SEL1L2: variants seen among roughly 807,000 people sequenced by gnomAD.
SEL1L2 encodes the protein protein sel-1 homolog 2.
SEL1L2 carries 89 observed loss-of-function variants against 98.8 expected under a neutral mutation model. That is an observed-to-expected ratio of 0.90 (90% CI 0.76 to 1.07). The LOEUF (loss-of-function observed/expected upper bound fraction) is 1.07. Ranked by LOEUF, SEL1L2 falls within the 50% of genes least tolerant of loss-of-function variation. The pLI is 0.00. For synonymous variants in SEL1L2, 262 were observed against 278.5 expected (o/e 0.94, Z 0.59); for missense variants, 788 against 812.0 (o/e 0.97, Z 0.36).
At chr20:13,856,007 T>C (rs1480750209) in intron 18 of SEL1L2, among the ~76,000 whole-genome samples, 1 of 152,132 alleles carries the variant, frequency 6.6e-6, no homozygotes, top group Non-Finnish European at 1.5e-5. Context: ...CAAGCTGAGG[T>C]GAGCAGAAAG....
chr20:13,920,427 A>G (rs1452840724), intron 3 of SEL1L2, among the ~76,000 whole-genome samples: 1 of 152,124 alleles, frequency 6.6e-6, no homozygotes, highest in Non-Finnish European at 1.5e-5. Flanking sequence ...CCAAACGTTT[A>G]TGTAACACTT....
chr20:13,901,047 TTTTC>T (rs2047648284), intron 5 of SEL1L2, among the ~76,000 whole-genome samples: 1 of 151,178 alleles, frequency 6.6e-6, no homozygotes, highest in Non-Finnish European at 1.5e-5. Flanking sequence ...TTTTTTTTCC[TTTTC>T]TTTTTCTTTT....
intron 10 of SEL1L2, among the ~76,000 whole-genome samples, chr20:13,882,895 C>T (rs2046777639): frequency 6.9e-6 from 1 of 144,862 alleles, no homozygotes; most frequent in Non-Finnish European, 1.5e-5. Context: ...CGGCTCACTG[C>T]AAGCTCCGCC....
At chr20:13,912,092 A>T (rs1288612291) in intron 5 of SEL1L2, among the ~76,000 whole-genome samples, 1 of 152,146 alleles carries the variant, frequency 6.6e-6, no homozygotes, top group East Asian at 1.9e-4. Context: ...GCAGTGAACG[A>T]GAAGGATGCG....
chr20:13,977,611 T>C (rs1162347963), intron 1 of SEL1L2, among the ~76,000 whole-genome samples: 1 of 152,034 alleles, frequency 6.6e-6, no homozygotes, highest in East Asian at 1.9e-4. Context: ...TGGAGTGGAA[T>C]TGGGAAGAGT....
intron 5 of SEL1L2, among the ~76,000 whole-genome samples, chr20:13,902,095 C>G (rs892989449): frequency 7.9e-5 from 12 of 152,144 alleles, no homozygotes; most frequent in African/African-American, 2.9e-4. Context: ...GTTGCCATGG[C>G]AATGGTAAAC....
chr20:13,991,462 A>G (rs1203208653), upstream of SEL1L2, among the ~76,000 whole-genome samples: 2 of 152,218 alleles, frequency 1.3e-5, no homozygotes, highest in Admixed American at 1.3e-4. Flanking sequence ...CTAAAATCAA[A>G]GACAAGGCTA....
intron 1 of SEL1L2, among the ~76,000 whole-genome samples, chr20:13,970,963 G>A (rs1379610791): frequency 3.3e-5 from 5 of 150,452 alleles, no homozygotes; most frequent in South Asian, 4.2e-4. Context: ...TAACTGGCAC[G>A]TTTCAATTTT....
chr20:13,864,643 T>C (rs1337577931), intron 17 of SEL1L2, among the ~76,000 whole-genome samples: 3 of 152,328 alleles, frequency 2.0e-5, no homozygotes, highest in East Asian at 3.9e-4. Context: ...TCCTGCCATG[T>C]ATCTGTTTTG....
intron 1 of SEL1L2, among the ~76,000 whole-genome samples, chr20:13,974,699 C>T (rs2148522169): frequency 6.6e-6 from 1 of 151,976 alleles, no homozygotes; most frequent in East Asian, 1.9e-4. Flanking sequence ...GGCTCCCGAC[C>T]TCAGGTGATC....
intron 2 of SEL1L2, among the ~76,000 whole-genome samples, chr20:13,950,999 G>C (rs191173198): frequency 8.8e-4 from 134 of 152,148 alleles, no homozygotes; most frequent in Non-Finnish European, 1.5e-3. Flanking sequence ...ATTAGAGGCC[G>C]GGCGCGGTGG....
At chr20:13,877,074 C>T (rs1201740356) in intron 11 of SEL1L2, among the ~76,000 whole-genome samples, 1 of 152,160 alleles carries the variant, frequency 6.6e-6, no homozygotes. Flanking sequence ...ATCCACCTGC[C>T]TCAGCCTCCC....
chr20:13,918,668 C>T (rs1355732426), intron 4 of SEL1L2, among the ~76,000 whole-genome samples: 1 of 152,188 alleles, frequency 6.6e-6, no homozygotes, highest in Non-Finnish European at 1.5e-5. Flanking sequence ...AGAAGTAAAG[C>T]ATTTTTAATA....
intron 5 of SEL1L2, among the ~76,000 whole-genome samples, chr20:13,898,985 G>A (rs1234466031): frequency 6.6e-6 from 1 of 152,088 alleles, no homozygotes; most frequent in African/African-American, 2.4e-5. Flanking sequence ...CAGGTGATAT[G>A]CCCACCTCAG....
intron 1 of SEL1L2, among the ~76,000 whole-genome samples, chr20:13,986,015 C>T (rs549908152): frequency 2.6e-5 from 4 of 152,124 alleles, no homozygotes; most frequent in Admixed American, 6.5e-5. Flanking sequence ...GGATATACCA[C>T]GTTTTGTTGA....
intron 4 of SEL1L2, chr20:13,915,296 C>A: frequency 8.1e-7 from 1 of 1,240,740 alleles, no homozygotes; most frequent in South Asian, 1.3e-5. Context: ...AGATAGAAAA[C>A]TGGAGTTCAG....
rs764949364 is a variant in SEL1L2 at position 13,876,098 on chromosome 20, A to G, written c.1044T>C (p.Asn348=). The G allele has an allele frequency of 3.1e-6, 5 of 1,613,596 alleles. No individual in the cohort carries two copies. In the African/African-American group the frequency reaches 4.0e-5, roughly 13 times the overall value. The part of the protein sequence containing the change: ...AFIGKMYLEG[N]AAVPQNNATA... ...TAGCGTTATTTTGCGGCACGGCAGCATTCCCCTCTAAATACATCTAGGAAG... is the reference window on the plus strand; with the variant it reads ...TAGCGTTATTTTGCGGCACGGCAGCGTTCCCCTCTAAATACATCTAGGAAG... The change falls in exon 12 of 20, where the codon AAT becomes AAC. Residue 348 remains asparagine, a synonymous_variant. Coordinates refer to ENST00000284951, the MANE Select transcript of SEL1L2 (RefSeq NM_025229.2).
chr20:13,983,023 C>CAAAAAAAAAAAAAAAAAAA (rs57993052), intron 1 of SEL1L2, among the ~76,000 whole-genome samples: 188 of 15,562 alleles, frequency 0.012, 61 homozygotes, highest in South Asian at 0.02. Context: ...GACTCCATCT[C>CAAAAAAAAAAAAAAAAAAA]AAAAAAAAAA....
chr20:13,861,328 A>T (rs1190569997), intron 17 of SEL1L2, among the ~76,000 whole-genome samples: 1 of 152,058 alleles, frequency 6.6e-6, no homozygotes, highest in African/African-American at 2.4e-5. Context: ...GGCATGCACC[A>T]ACATGCCCGT....
Sources: gnomAD v4.1 joint callset for allele counts (sites outside exome capture counted in the v4.1 genomes callset) on GRCh38, gnomAD v4.1.1 for gene constraint, MANE v1.5 for transcripts, NCBI Gene and HGNC (gene_info 2026-07-23, HGNC 2026-07-21) for gene names.